The following RASA2 variants were observed in gnomAD, a reference collection of about 807,000 sequenced individuals.
The protein encoded by RASA2 is RAS p21 protein activator 2, also known as ras GTPase-activating protein 2.
In RASA2, 155 loss-of-function variants were observed where a neutral mutation model predicts 118.2. The observed-to-expected ratio is 1.31, with a 90% CI of 1.15 to 1.50. RASA2 has a LOEUF of 1.50. Ranked by LOEUF, RASA2 falls within the 40% of genes most tolerant of loss-of-function variation. The probability of loss-of-function intolerance (pLI) is 0.00; values close to 1 mark genes in which losing one functional copy is unlikely to be tolerated. For missense variants in RASA2, 1,016 were observed against 1,009.6 expected (o/e 1.01, Z -0.09); for synonymous variants, 353 against 349.1 (o/e 1.01, Z -0.12).
intron 1 of RASA2, among the ~76,000 whole-genome samples, chr3:141,496,433 A>G (rs973077354): frequency 2.5e-4 from 38 of 152,366 alleles, no homozygotes; most frequent in Non-Finnish European, 1.3e-4. Context: ...ACAAAGGGCT[A>G]ATATCCAGAA....
intron 9 of RASA2, among the ~76,000 whole-genome samples, chr3:141,562,575 A>AT (rs1270174706): frequency 0.086 from 6 of 70 alleles, no homozygotes; most frequent in African/African-American, 0.14. Context: ...GTAAGCTGAG[A>AT]TCCACCACTG....
chr3:141,596,702 C>G (rs1488720893), intron 19 of RASA2, among the ~76,000 whole-genome samples: 2 of 152,128 alleles, frequency 1.3e-5, no homozygotes, highest in African/African-American at 4.8e-5. Context: ...AAAAGATGCT[C>G]AACATCATTA....
intron 14 of RASA2, 103 bp downstream of exon 14, chr3:141,574,170 A>C: frequency 1.4e-6 from 1 of 738,020 alleles, no homozygotes; most frequent in Non-Finnish European, 1.8e-6. Flanking sequence ...GTTTTTATTT[A>C]TTTATTTATT....
chr3:141,593,781 G>A (rs1478735179), intron 19 of RASA2, among the ~76,000 whole-genome samples: 1 of 152,110 alleles, frequency 6.6e-6, no homozygotes, highest in Non-Finnish European at 1.5e-5. Flanking sequence ...AATAAACAAA[G>A]TATAGTATAA....
chr3:141,554,440 C>G (rs2082619504), intron 6 of RASA2, among the ~76,000 whole-genome samples: 1 of 152,100 alleles, frequency 6.6e-6, no homozygotes, highest in Admixed American at 6.5e-5. Context: ...AGTACTAGAG[C>G]ATGGCAAAGT....
At position 141,614,304 on chromosome 3, in the gene RASA2, A is replaced by C. The variant is rs1258539029; in HGVS notation, c.*1991A>C. On this transcript the variant is annotated 3_prime_UTR_variant, in exon 24 of 24. Transcript: ENST00000286364. The stretch of plus-strand genomic sequence containing the variant: ...CATCTAGTTCTTTTCTTCACATGAC[A>C]CTTTTAAACAGCCAGTTTGACTGGA... 6.6e-6 allele frequency: 1 copy of C among 152,168 alleles called. No homozygotes were observed. The highest frequency in any genetic ancestry group is 1.5e-5 in the Non-Finnish European group (1 of 68,022). 9.4% of individuals were successfully genotyped at this position (152,168 alleles called of 1,614,324 possible). A position where few individuals can be genotyped will look rare whatever the true frequency, so the allele number is the denominator to read the frequency against.
At chr3:141,594,844 TAAATATGTGGGTAAATGTAAG>T (rs2083342090) in intron 19 of RASA2, among the ~76,000 whole-genome samples, 3 of 151,720 alleles carry the variant, frequency 2.0e-5, no homozygotes, top group African/African-American at 7.2e-5. Flanking sequence ...CTGGAAATGG[TAAATATGTGGGTAAATGTAAG>T]AATGCCTGTT....
intron 19 of RASA2, among the ~76,000 whole-genome samples, chr3:141,605,827 C>T (rs184673095): frequency 1.5e-4 from 22 of 151,452 alleles, no homozygotes; most frequent in Non-Finnish European, 2.4e-4. Context: ...TGTTGAGTAG[C>T]TTACTGCCAA....
rs150731675 is a variant in RASA2, at chr3:141,612,089, C to T, written c.2520-194C>T. On this transcript the variant is annotated intron_variant, in intron 23 of 23. Coordinates refer to ENST00000286364, the MANE Select transcript of RASA2 (RefSeq NM_006506.5). ...TTTTCTTGGTCTGTTTTGTTTACTA[C>T]TTTATCTTTAAGTTCTACACTAGGG... is the stretch of plus-strand genomic sequence containing the variant. Among the ~76,000 whole-genome samples the T allele has an allele frequency of 3.2e-3, 485 of 152,118 alleles. 2 individuals are homozygous for T. Among genetic ancestry groups the T allele is most frequent in the African/African-American group, 0.011 (456 of 41,488 alleles).
At chr3:141,593,441 A>C (rs1009653472) in intron 19 of RASA2, among the ~76,000 whole-genome samples, 1 of 152,060 alleles carries the variant, frequency 6.6e-6, no homozygotes, top group South Asian at 2.1e-4. Context: ...ACTAAGCTTT[A>C]TTGGCTTGAG....
rs907382069 is a variant in RASA2 at position 141,613,687 on chromosome 3, C to T, written c.*1374C>T. ...AGTACTTTTTTTGTCTGAGCATAAG[C>T]TATATTTCAAGATATACTTTGCCAA... On this transcript the variant is annotated 3_prime_UTR_variant, in exon 24 of 24. Transcript: ENST00000286364. 6.6e-6 allele frequency: 1 copy of T among 152,114 alleles called. No homozygotes were observed. The highest frequency in any genetic ancestry group is 2.4e-5 in the African/African-American group (1 of 41,416). 9.4% of individuals were successfully genotyped at this position (152,114 alleles called of 1,614,324 possible).
chr3:141,558,807 T>G, intron 7 of RASA2, 79 bp from the exon 8 acceptor site: 1 of 1,084,884 alleles, frequency 9.2e-7, no homozygotes, highest in South Asian at 1.4e-5. Flanking sequence ...AATTGAATAT[T>G]TTGCAGATGA....
chr3:141,607,969 G>A (rs1381192048), intron 20 of RASA2, among the ~76,000 whole-genome samples: 2 of 152,042 alleles, frequency 1.3e-5, no homozygotes, highest in Admixed American at 6.6e-5. Flanking sequence ...TCTTAAAATT[G>A]TCCTTTATTG....
chr3:141,601,416 C>A (rs901320269), intron 19 of RASA2, among the ~76,000 whole-genome samples: 1 of 150,548 alleles, frequency 6.6e-6, no homozygotes, highest in African/African-American at 2.4e-5. Flanking sequence ...GCCTGGGCAA[C>A]AGAGAGAGAC....
intron 1 of RASA2, among the ~76,000 whole-genome samples, chr3:141,487,854 G>A (rs548615051): frequency 1.3e-5 from 2 of 152,290 alleles, no homozygotes; most frequent in South Asian, 4.1e-4. Context: ...GAGCTCGGCG[G>A]GACACCTGTA....
intron 23 of RASA2, among the ~76,000 whole-genome samples, chr3:141,610,329 AATATATATTTT>A (rs1454629857): frequency 7.3e-6 from 1 of 137,806 alleles, no homozygotes; most frequent in Non-Finnish European, 1.5e-5. Flanking sequence ...TATGTATATA[AATATATATTTT>A]ATATATATTT....
At chr3:141,606,449 C>T (rs1452045753) in intron 19 of RASA2, among the ~76,000 whole-genome samples, 1 of 152,140 alleles carries the variant, frequency 6.6e-6, no homozygotes, top group Non-Finnish European at 1.5e-5. Context: ...TTCATTGTAG[C>T]ATTCATCTCT....
chr3:141,613,343 T>A lies in RASA2; in HGVS notation c.*1030T>A, dbSNP rs1231528226. ...CAGTGTTTAAGTCTAAAAATAATGC[T>A]TTCCTGAAAATGTTTATATTTCATT... is the stretch of plus-strand genomic sequence containing the variant. On this transcript the variant is annotated 3_prime_UTR_variant, in exon 24 of 24. Transcript: ENST00000286364. 1 of 152,198 alleles carries A rather than the reference T, an allele frequency of 6.6e-6. No individual in the cohort carries two copies. The highest frequency in any genetic ancestry group is 1.9e-4 in the East Asian group (1 of 5,204). 9.4% of individuals were successfully genotyped at this position (152,198 alleles called of 1,614,324 possible).
At chr3:141,549,488 T>TGC (rs1302644662) in intron 5 of RASA2, among the ~76,000 whole-genome samples, 1 of 150,072 alleles carries the variant, frequency 6.7e-6, no homozygotes, top group Non-Finnish European at 1.5e-5. Context: ...TGTGTGCGTG[T>TGC]GTGTGTGTGT....
Sources: allele counts gnomAD v4.1 joint callset (sites outside exome capture counted in the v4.1 genomes callset), GRCh38; gene constraint gnomAD v4.1.1; transcripts MANE v1.5; gene names NCBI Gene and HGNC (gene_info 2026-07-23, HGNC 2026-07-21).